Variants in SLC35F4 observed in about 807,000 individuals in gnomAD.
The protein encoded by SLC35F4 is solute carrier family 35 member F4.
Under a neutral mutation model 44.2 loss-of-function variants are expected in SLC35F4, and 24 were observed. The observed-to-expected ratio is 0.54, with a 90% CI of 0.39 to 0.76. The LOEUF is 0.76. Among genes scored for constraint, SLC35F4 ranks in the 30% least tolerant of loss-of-function variants. The probability of loss-of-function intolerance (pLI) is 0.00; values close to 1 mark genes in which losing one functional copy is unlikely to be tolerated. For missense variants in SLC35F4, 562 were observed against 586.1 expected, an observed-to-expected ratio of 0.96 and a Z score of 0.42; for synonymous variants, 238 against 223.6, an observed-to-expected ratio of 1.06 and a Z score of -0.57.
intron 1 of SLC35F4, among the ~76,000 whole-genome samples, chr14:57,651,894 G>T (rs2073798397): frequency 6.6e-6 from 1 of 152,208 alleles, no homozygotes; most frequent in South Asian, 2.1e-4. Flanking sequence ...GCCCACACAG[G>T]ACTGCTCAAT....
At chr14:57,738,659 C>A (rs1206311574) in intron 1 of SLC35F4, among the ~76,000 whole-genome samples, 1 of 150,888 alleles carries the variant, frequency 6.6e-6, no homozygotes, top group East Asian at 1.9e-4. Flanking sequence ...TTCTCAAAAT[C>A]ATGGGAAGTC....
At chr14:57,864,300 G>A (rs1394524107) in intron 1 of SLC35F4, among the ~76,000 whole-genome samples, 2 of 152,210 alleles carry the variant, frequency 1.3e-5, no homozygotes, top group African/African-American at 4.8e-5. Flanking sequence ...GTTTTTGAGT[G>A]TATAGTACTT....
At chr14:57,705,956 C>T (rs1438521906) in intron 1 of SLC35F4, among the ~76,000 whole-genome samples, 2 of 152,106 alleles carry the variant, frequency 1.3e-5, no homozygotes, top group African/African-American at 4.8e-5. Flanking sequence ...GGGTACATGC[C>T]TAGTGCTCCA....
At chr14:57,828,125 A>T (rs547066492) in intron 1 of SLC35F4, among the ~76,000 whole-genome samples, 63 of 152,302 alleles carry the variant, frequency 4.1e-4, no homozygotes, top group African/African-American at 1.5e-3. Context: ...TCCAGTTGAG[A>T]TCACAGGAAC....
At chr14:57,594,219 T>A in intron 1 of SLC35F4, 95 bp from the exon 2 acceptor site, 7 of 1,185,554 alleles carry the variant, frequency 5.9e-6, no homozygotes, top group Non-Finnish European at 8.2e-6. Context: ...AAACAGGGTC[T>A]CACTCTGTCA....
intron 1 of SLC35F4, among the ~76,000 whole-genome samples, chr14:57,965,354 T>G (rs1428949022): frequency 1.3e-5 from 2 of 152,114 alleles, no homozygotes; most frequent in Non-Finnish European, 2.9e-5. Flanking sequence ...CCTCTTCTAC[T>G]TTTAAGGACC....
chr14:57,811,495 T>G (rs967682437), intron 1 of SLC35F4, among the ~76,000 whole-genome samples: 2 of 152,178 alleles, frequency 1.3e-5, no homozygotes, highest in African/African-American at 4.8e-5. Flanking sequence ...CCACCACAGA[T>G]GTGGAAGACG....
chr14:57,602,115 T>A (rs1566669541), intron 1 of SLC35F4, among the ~76,000 whole-genome samples: 1 of 150,044 alleles, frequency 6.7e-6, no homozygotes, highest in East Asian at 1.9e-4. Context: ...GCACAGAAAA[T>A]AAGGATAATT....
intron 1 of SLC35F4, among the ~76,000 whole-genome samples, chr14:57,623,527 G>A (rs1594619961): frequency 6.6e-6 from 1 of 152,244 alleles, no homozygotes; most frequent in South Asian, 2.1e-4. Context: ...GCACCACATT[G>A]CACTTATTCT....
At chr14:57,939,960 G>T (rs1345090338) in intron 1 of SLC35F4, among the ~76,000 whole-genome samples, 1 of 152,168 alleles carries the variant, frequency 6.6e-6, no homozygotes, top group Admixed American at 6.5e-5. Flanking sequence ...CTAAGAGAAG[G>T]CCACTGGATT....
intron 1 of SLC35F4, among the ~76,000 whole-genome samples, chr14:57,605,410 G>A (rs142475096): frequency 0.022 from 3,411 of 152,052 alleles, 69 homozygotes; most frequent in South Asian, 0.048. Context: ...GTGACATACC[G>A]TCTCACATCA....
intron 1 of SLC35F4, among the ~76,000 whole-genome samples, chr14:57,734,507 CAG>C (rs1441403961): frequency 6.6e-6 from 1 of 152,142 alleles, no homozygotes; most frequent in South Asian, 2.1e-4. Flanking sequence ...ATTACACTGG[CAG>C]AGTTTTCCCC....
At chr14:57,673,701 T>A (rs1313166185) in intron 1 of SLC35F4, among the ~76,000 whole-genome samples, 3 of 151,732 alleles carry the variant, frequency 2.0e-5, no homozygotes, top group Non-Finnish European at 4.4e-5. Flanking sequence ...TGGGAGGAGG[T>A]GTTAGAAACA....
chr14:57,752,096 T>G (rs1234629200), intron 1 of SLC35F4, among the ~76,000 whole-genome samples: 1 of 152,210 alleles, frequency 6.6e-6, no homozygotes, highest in African/African-American at 2.4e-5. Context: ...TTGATTTTTC[T>G]GTTGGAGCCA....
At chr14:57,696,953 A>T (rs1228419928) in intron 1 of SLC35F4, among the ~76,000 whole-genome samples, 1 of 152,168 alleles carries the variant, frequency 6.6e-6, no homozygotes, top group Non-Finnish European at 1.5e-5. Context: ...GAGCATTAGG[A>T]CAAATACTTA....
intron 1 of SLC35F4, among the ~76,000 whole-genome samples, chr14:57,772,112 G>A (rs949463331): frequency 1.3e-4 from 20 of 152,106 alleles, no homozygotes; most frequent in Non-Finnish European, 2.4e-4. Flanking sequence ...ATGCACTTGA[G>A]GCTTAATATA....
chr14:57,794,832 A>G (rs2347363), intron 1 of SLC35F4, among the ~76,000 whole-genome samples: 3 of 152,102 alleles, frequency 2.0e-5, no homozygotes, highest in African/African-American at 7.2e-5. Flanking sequence ...GTCCAAGTAA[A>G]ACATACTTCT....
At chr14:57,644,461 GTTT>G (rs36133820) in intron 1 of SLC35F4, among the ~76,000 whole-genome samples, 5 of 148,520 alleles carry the variant, frequency 3.4e-5, no homozygotes, top group Non-Finnish European at 6.0e-5. Flanking sequence ...TTTTTGATGG[GTTT>G]TTTTTTTCCT....
intron 1 of SLC35F4, among the ~76,000 whole-genome samples, chr14:57,711,062 T>C (rs1019804285): frequency 3.9e-5 from 6 of 152,002 alleles, no homozygotes; most frequent in African/African-American, 1.2e-4. Context: ...CCAAATCTCA[T>C]CTTGAATTTT....
Sources: allele counts gnomAD v4.1 joint callset (sites outside exome capture counted in the v4.1 genomes callset), GRCh38; gene constraint gnomAD v4.1.1; transcripts MANE v1.5; gene names NCBI Gene and HGNC (gene_info 2026-07-23, HGNC 2026-07-21).